The following PDE4A variants were observed in gnomAD, a reference collection of about 807,000 sequenced individuals.
PDE4A encodes the protein 3',5'-cyclic-AMP phosphodiesterase 4A.
Under a neutral mutation model 73.9 loss-of-function variants are expected in PDE4A, and 21 were observed. The observed-to-expected ratio is 0.28, with a 90% CI of 0.20 to 0.41. The LOEUF (loss-of-function observed/expected upper bound fraction) is 0.41. Among genes scored for constraint, PDE4A ranks in the 10% least tolerant of loss-of-function variants. PDE4A has a pLI of 1.00. For missense variants in PDE4A, 958 were observed against 1,211.4 expected, an observed-to-expected ratio of 0.79 and a Z score of 3.10; for synonymous variants, 463 against 505.4, an observed-to-expected ratio of 0.92 and a Z score of 1.13.
upstream of PDE4A, chr19:10,417,244 G>C (rs2042597022): frequency 2.0e-6 from 2 of 985,208 alleles, no homozygotes; most frequent in Non-Finnish European, 2.4e-6. Flanking sequence ...GGAGGTGGGA[G>C]GGGGCGCTAG....
At chr19:10,432,570 A>C in intron 1 of PDE4A, 1 of 1,521,348 alleles carries the variant, frequency 6.6e-7, no homozygotes, top group Non-Finnish European at 8.8e-7. Context: ...CAGATCTGTC[A>C]GGTGGGTGGC....
At chr19:10,460,156 T>A (rs933514865) in intron 10 of PDE4A, among the ~76,000 whole-genome samples, 3 of 148,988 alleles carry the variant, frequency 2.0e-5, no homozygotes, top group Non-Finnish European at 4.4e-5. Flanking sequence ...GTGCTGGGAG[T>A]AGAGGCGTGA....
chr19:10,423,501 G>A (rs539322032), intron 1 of PDE4A, among the ~76,000 whole-genome samples: 11 of 152,256 alleles, frequency 7.2e-5, no homozygotes, highest in Non-Finnish European at 1.5e-4. Context: ...ACAACCAGGA[G>A]ATGGGGGAGC....
At position 10,421,022 on chromosome 19, in the gene PDE4A, G is replaced by T. The variant is rs1376266555; in HGVS notation, c.258G>T (p.Trp86Cys). Residue 86 changes from tryptophan (W) to cysteine (C), a missense_variant, in exon 1 of 15, where the codon TGG becomes TGT. Physicochemically the swap from Trp to Cys is radical, Grantham distance 215 (BLOSUM62 -2). Coordinates refer to ENST00000380702, the MANE Select transcript of PDE4A (RefSeq NM_001111307.2). ...GCCTGCGCACGACCCGCATGTCCTG[G>T]CCCTCGTCCTTCCATGGCACTGGCA... The part of the protein sequence containing the change: ...RPGLRTTRMS[W>C]PSSFHGTGTG... The T allele has an allele frequency of 6.8e-7, 1 of 1,469,086 alleles. No homozygotes were observed. Among genetic ancestry groups the T allele is most frequent in the Non-Finnish European group, 8.9e-7 (1 of 1,120,144 alleles). 91.0% of individuals were successfully genotyped at this position (1,469,086 alleles called of 1,614,324 possible). A position where few individuals can be genotyped will look rare whatever the true frequency, so the allele number is the denominator to read the frequency against.
chr19:10,461,537 G>T lies in PDE4A; in HGVS notation c.1477G>T (p.Ala493Ser). Residue 493 changes from alanine to serine, a missense_variant, in exon 12 of 15, where the codon GCG becomes TCG. Ala to Ser is a moderately conservative substitution (Grantham distance 99). Around this residue, in one of 3 missense-constraint regions of PDE4A, gnomAD observed 570 missense variants for 827.7 expected, o/e 0.69. Transcript: ENST00000380702. ...QFLINTNSEL[A>S]LMYNDESVLE... ...GGGCTGGGCTGCAGATTCGGAGCTG[G>T]CGCTCATGTACAACGATGAGTCGGT... 1 of 1,614,050 alleles carries T rather than the reference G, an allele frequency of 6.2e-7. No individual in the cohort carries two copies.
At chr19:10,446,598 CT>C (rs1033532439) in intron 2 of PDE4A, among the ~76,000 whole-genome samples, 189 bp downstream of exon 2, 3 of 124,880 alleles carry the variant, frequency 2.4e-5, no homozygotes, top group African/African-American at 8.5e-5. Flanking sequence ...TTTTTTTTTT[CT>C]TTTTTTCTTT....
Position 10,453,469 on chromosome 19 carries a change from C to T in PDE4A, c.784-1360C>T, listed in dbSNP as rs922590712. 7.7e-5 allele frequency: 85 copies of T among 1,100,780 alleles called. 1 individual carries two copies. The South Asian group carries it at 1.1e-3, about 14-fold the overall frequency. The allele number at this position is 1,100,780 out of a possible 1,614,324, so 68.2% of individuals were successfully genotyped here. ...TCTCTGTGTGTGGCCCAGGGCTGGG[C>T]GTGGATGGCGGGCAGCTGGGGGTGT... is the stretch of plus-strand genomic sequence containing the variant. On this transcript the variant is annotated intron_variant, in intron 6 of 14. Transcript: ENST00000380702. This position sits in a 1 kb window ranked among gnomAD's most constrained non-coding sequence, Gnocchi z 4.6.
intron 10 of PDE4A, among the ~76,000 whole-genome samples, chr19:10,460,227 G>A (rs1016801889): frequency 2.6e-5 from 4 of 151,910 alleles, no homozygotes; most frequent in South Asian, 2.1e-4. Context: ...GTCCAGGTGC[G>A]GTGGCTCACA....
In PDE4A at chr19:10,450,604, C is replaced by T. The variant is rs201436121; in HGVS notation, c.622C>T (p.Arg208Trp). 1.9e-6 allele frequency: 3 copies of T among 1,604,390 alleles called. No homozygotes were observed. Among genetic ancestry groups the T allele is most frequent in the East Asian group, 2.2e-5 (1 of 44,740 alleles). The change falls in exon 5 of 15, where the codon CGG (arginine) becomes TGG (tryptophan). Residue 208 changes from arginine to tryptophan, a missense_variant and splice_region_variant. By Grantham distance (101) the Arg-to-Trp change is moderately radical. Transcript: ENST00000380702. Reference protein sequence around the residue: ...LTNVPVPSNKRSPLGGPTPVC... With the variant: ...LTNVPVPSNKWSPLGGPTPVC... The stretch of plus-strand genomic sequence containing the variant: ...AGCCCCATTTTTTTTTTTCTGCAGG[C>T]GGTCCCCGCTGGGCGGCCCCACCCC...
chr19:10,461,697 C>T lies in PDE4A; in HGVS notation c.1620+17C>T, dbSNP rs1472558892. On this transcript the variant is annotated intron_variant, in intron 12 of 14. Transcript: ENST00000380702. Reference sequence around the variant, plus strand: ...ATCGACATGGTGGGCGGGGCTGGGGCGGGACGGAGCGGGAAAGGAAGCCTA... The same window carrying T: ...ATCGACATGGTGGGCGGGGCTGGGGTGGGACGGAGCGGGAAAGGAAGCCTA... The T allele has an allele frequency of 1.8e-6, 1 of 550,202 alleles. No homozygotes were observed. Among genetic ancestry groups the T allele is most frequent in the African/African-American group, 2.0e-5 (1 of 48,836 alleles). 34.1% of individuals were successfully genotyped at this position (550,202 alleles called of 1,614,324 possible).
chr19:10,462,058 T>A, intron 13 of PDE4A, 59 bp downstream of exon 13: 1 of 1,437,948 alleles, frequency 7.0e-7, no homozygotes, highest in East Asian at 2.3e-5. Flanking sequence ...CACCTTTAGG[T>A]CTGGGTAGCT....
chr19:10,462,392 TC>T (rs370123812), intron 13 of PDE4A, among the ~76,000 whole-genome samples: 1,575 of 146,170 alleles, frequency 0.011, 20 homozygotes, highest in African/African-American at 0.036. Flanking sequence ...CCTCAGGTGA[TC>T]CCCCCCCGCC....
Position 10,459,784 on chromosome 19 carries a change from C to T in PDE4A, c.1365+25C>T, listed in dbSNP as rs201563437. On this transcript the variant is annotated intron_variant, in intron 10 of 14. Transcript: ENST00000380702. ...TGTGAGTGACTGCCCTGTGAGTGACCGTCCCCATCTCTCTTTGTGACTGCC... is the reference window on the plus strand; with the variant it reads ...TGTGAGTGACTGCCCTGTGAGTGACTGTCCCCATCTCTCTTTGTGACTGCC... 9.6e-5 allele frequency: 152 copies of T among 1,579,522 alleles called. No individual in the cohort carries two copies. The East Asian group carries it at 1.4e-3, about 15-fold the overall frequency.
intron 1 of PDE4A, among the ~76,000 whole-genome samples, chr19:10,433,704 T>C (rs972602292): frequency 4.6e-5 from 7 of 152,154 alleles, no homozygotes; most frequent in African/African-American, 1.7e-4. Flanking sequence ...AAGAGCTGTG[T>C]CACCTGGCAC....
intron 2 of PDE4A, among the ~76,000 whole-genome samples, chr19:10,447,665 G>A (rs914442746): frequency 2.0e-5 from 3 of 151,896 alleles, no homozygotes; most frequent in African/African-American, 4.8e-5. Context: ...CACCCTGCCC[G>A]CCCTCAGTTA....
intron 1 of PDE4A, chr19:10,431,098 G>T: frequency 1.3e-6 from 2 of 1,496,646 alleles, no homozygotes; most frequent in Admixed American, 2.2e-5. Flanking sequence ...TAAGTGCAGC[G>T]CTGGTGGCCG....
chr19:10,433,720 G>A (rs866373648), intron 1 of PDE4A, among the ~76,000 whole-genome samples: 4 of 152,132 alleles, frequency 2.6e-5, no homozygotes, highest in East Asian at 1.9e-4. Context: ...GGCACTACGC[G>A]CCTGCCTGGG....
chr19:10,417,966 C>T (rs762438643), upstream of PDE4A: 10 of 1,348,638 alleles, frequency 7.4e-6, no homozygotes, highest in Non-Finnish European at 1.0e-5. Flanking sequence ...ATGCTCCCTG[C>T]CGTTTGCAAA....
upstream of PDE4A, chr19:10,416,924 G>C: frequency 6.5e-7 from 1 of 1,539,614 alleles, no homozygotes; most frequent in Non-Finnish European, 8.7e-7. Context: ...CAGTCCCAAC[G>C]GCGCGCTAGG....
Sources: allele counts gnomAD v4.1 joint callset (sites outside exome capture counted in the v4.1 genomes callset), GRCh38; gene constraint gnomAD v4.1.1; regional missense constraint gnomAD v4.1.1; non-coding constraint Gnocchi (gnomAD v3.1); transcripts MANE v1.5; gene names NCBI Gene and HGNC (gene_info 2026-07-23, HGNC 2026-07-21).